Variants in OGA observed in about 807,000 individuals in gnomAD.
The protein encoded by OGA is protein O-GlcNAcase.
In OGA, 21 loss-of-function variants were observed where a neutral mutation model predicts 102.0. The ratio of observed to expected loss-of-function variants is 0.21; its 90% CI spans 0.15 to 0.30. The LOEUF is 0.30. Ranked by LOEUF, OGA falls within the 10% of genes least tolerant of loss-of-function variation. The pLI, the probability that OGA is intolerant of heterozygous loss-of-function variation, is 1.00. For synonymous variants in OGA, 408 were observed against 378.2 expected (o/e 1.08, Z -0.91); for missense variants, 765 against 1,107.8 (o/e 0.69, Z 4.39).
intron 12 of OGA, among the ~76,000 whole-genome samples, chr10:101,792,049 GCT>G (rs1254308995): frequency 6.8e-6 from 1 of 146,428 alleles, no homozygotes; most frequent in African/African-American, 2.5e-5. Context: ...ACGGAGTCTC[GCT>G]CTGTCGCCCC....
At chr10:101,816,985 A>C (rs1176424709) in intron 1 of OGA, among the ~76,000 whole-genome samples, 1 of 152,260 alleles carries the variant, frequency 6.6e-6, no homozygotes, top group East Asian at 1.9e-4. Flanking sequence ...CAGAAAATTC[A>C]AATACATGCT....
At chr10:101,817,297 C>T (rs1258794837) in intron 1 of OGA, among the ~76,000 whole-genome samples, 1 of 152,084 alleles carries the variant, frequency 6.6e-6, no homozygotes, top group African/African-American at 2.4e-5. Context: ...GGGCAATTTT[C>T]TAAGTTGCAA....
At chr10:101,808,315 G>A (rs2065502639) in intron 4 of OGA, among the ~76,000 whole-genome samples, 1 of 152,136 alleles carries the variant, frequency 6.6e-6, no homozygotes, top group Non-Finnish European at 1.5e-5. Context: ...CTGAATTAGG[G>A]ATACTCAACT....
rs1448248696 is a variant in OGA, at chr10:101,785,977, T to C, written c.*474A>G. On this transcript the variant is annotated 3_prime_UTR_variant, in exon 16 of 16. Coordinates refer to ENST00000361464, the MANE Select transcript of OGA (RefSeq NM_012215.5). The stretch of plus-strand genomic sequence containing the variant: ...TAAACTAATGCCACAACCATCCCAC[T>C]TGGAATCACTCCACCCTGACACTTC... 6.6e-6 allele frequency: 1 copy of C among 152,550 alleles called. No homozygotes were observed. Among genetic ancestry groups the C allele is most frequent in the East Asian group, 1.9e-4 (1 of 5,206 alleles). The allele number at this position is 152,550 out of a possible 1,614,324, so 9.4% of individuals were successfully genotyped here. A position where few individuals can be genotyped will look rare whatever the true frequency, so the allele number is the denominator to read the frequency against.
At chr10:101,816,580 T>C (rs771461553) in intron 1 of OGA, among the ~76,000 whole-genome samples, 6 of 152,210 alleles carry the variant, frequency 3.9e-5, no homozygotes, top group Non-Finnish European at 8.8e-5. Flanking sequence ...CAGATTCTTT[T>C]TCTAAAATCT....
In OGA at chr10:101,799,134, A is replaced by G. The variant is rs1293873967; in HGVS notation, c.1517T>C (p.Ile506Thr). ...CATCTCTGGGGATTTTGATTCAGCT[A>G]TGCTCTCTTTATCAGTGTCCATTGG... is the stretch of plus-strand genomic sequence containing the variant. Reference protein sequence around the residue: ...LKPMDTDKESIAESKSPEMSM... With the variant: ...LKPMDTDKESTAESKSPEMSM... Residue 506 changes from isoleucine to threonine, a missense_variant, in exon 9 of 16, where the codon ATA becomes ACA. Ile to Thr is a moderately conservative substitution (Grantham distance 89). Transcript: ENST00000361464. The G allele has an allele frequency of 1.9e-6, 3 of 1,614,094 alleles. No individual in the cohort carries two copies. The Admixed American group carries it at 5.0e-5, about 27-fold the overall frequency.
intron 7 of OGA, among the ~76,000 whole-genome samples, chr10:101,801,793 C>G (rs1183389594): frequency 1.3e-5 from 2 of 152,184 alleles, no homozygotes; most frequent in Non-Finnish European, 2.9e-5. Context: ...ATTAATATTA[C>G]TACATACTAT....
chr10:101,810,175 A>C lies in OGA; in HGVS notation c.480+9T>G, dbSNP rs2065535329. 1 of 1,599,598 alleles carries C rather than the reference A, an allele frequency of 6.3e-7. No individual in the cohort carries two copies. Among genetic ancestry groups the C allele is most frequent in the Non-Finnish European group, 8.5e-7 (1 of 1,174,294 alleles). On this transcript the variant is annotated intron_variant, in intron 4 of 15. Transcript: ENST00000361464. ...AGTCAGGAAAAATGAATAAAAAGTA[A>C]GGAGTTACCTGGTCCAATTTACGTT...
In OGA at chr10:101,786,236, A is replaced by G. The variant is rs1004047678; in HGVS notation, c.*215T>C. ...CACAAGACTCAAAAAGGAAGCCCAC[A>G]TCTCTCTTTCATACAGGATTTGCTG... On this transcript the variant is annotated 3_prime_UTR_variant, in exon 16 of 16. Transcript: ENST00000361464. 8 of 407,942 alleles carry G rather than the reference A, an allele frequency of 2.0e-5. No homozygotes were observed. Among genetic ancestry groups the G allele is most frequent in the Admixed American group, 4.5e-5 (1 of 22,086 alleles). The allele number at this position is 407,942 out of a possible 1,614,324, so 25.3% of individuals were successfully genotyped here. A position where few individuals can be genotyped will look rare whatever the true frequency, so the allele number is the denominator to read the frequency against.
intron 12 of OGA, chr10:101,792,517 G>A (rs887857637): frequency 5.8e-5 from 11 of 191,144 alleles, no homozygotes; most frequent in Middle Eastern, 2.2e-3. Flanking sequence ...ACAATTGAAA[G>A]AAAATTACAG....
chr10:101,807,662 C>T (rs1235833714), intron 5 of OGA, 68 bp downstream of exon 5: 3 of 1,101,712 alleles, frequency 2.7e-6, no homozygotes, highest in South Asian at 2.9e-5. Context: ...GAGAATGGGG[C>T]CCATGGTCCT....
chr10:101,790,527 T>C (rs1298026572), intron 14 of OGA, among the ~76,000 whole-genome samples: 2 of 152,162 alleles, frequency 1.3e-5, no homozygotes, highest in Non-Finnish European at 2.9e-5. Context: ...TACACCCGCC[T>C]TGGCCTCCCA....
At chr10:101,790,817 G>T in intron 14 of OGA, 79 bp downstream of exon 14, 1 of 1,067,950 alleles carries the variant, frequency 9.4e-7, no homozygotes, top group Non-Finnish European at 1.3e-6. Flanking sequence ...TTCCATTTTA[G>T]TAAGTACTTT....
chr10:101,807,619 C>T, intron 5 of OGA, 111 bp downstream of exon 5: 1 of 779,444 alleles, frequency 1.3e-6, no homozygotes, highest in Non-Finnish European at 1.9e-6. Context: ...AAGATTCCTA[C>T]TTTTACACAC....
intron 4 of OGA, among the ~76,000 whole-genome samples, chr10:101,808,813 C>CA (rs1217903962): frequency 6.6e-6 from 1 of 151,838 alleles, no homozygotes; most frequent in Non-Finnish European, 1.5e-5. Flanking sequence ...ACTAAAAATA[C>CA]AAAAAAATTA....
chr10:101,802,159 A>G (rs542734319), intron 7 of OGA, among the ~76,000 whole-genome samples: 1 of 151,624 alleles, frequency 6.6e-6, no homozygotes, highest in African/African-American at 2.4e-5. Flanking sequence ...AAAAAAAAAA[A>G]TTTTCAGTGT....
intron 5 of OGA, among the ~76,000 whole-genome samples, chr10:101,806,369 A>C (rs987265676): frequency 2.6e-5 from 4 of 151,460 alleles, no homozygotes; most frequent in African/African-American, 7.3e-5. Flanking sequence ...CGCCCGGCTA[A>C]TTTTTTTTTG....
rs142576448 is a variant in OGA, at chr10:101,812,340, G to A, written c.349+690C>T. Among the ~76,000 whole-genome samples the A allele has an allele frequency of 2.6e-5, 4 of 152,192 alleles. No individual in the cohort carries two copies. The East Asian group carries it at 7.7e-4, about 29-fold the overall frequency. On this transcript the variant is annotated intron_variant, in intron 3 of 15. Transcript: ENST00000361464. ...CAGAATCTCTTGAACTCGGGAGGGC[G>A]AGGTTTGCAGTTAGCCGAGATCGCA...
At chr10:101,788,750 A>AT (rs1482710769) in intron 14 of OGA, among the ~76,000 whole-genome samples, 1 of 152,040 alleles carries the variant, frequency 6.6e-6, no homozygotes, top group Non-Finnish European at 1.5e-5. Flanking sequence ...AAAAAAAAAA[A>AT]ATTTTGTCTA....
Sources: gnomAD v4.1 joint callset for allele counts (sites outside exome capture counted in the v4.1 genomes callset) on GRCh38, gnomAD v4.1.1 for gene constraint, MANE v1.5 for transcripts, NCBI Gene and HGNC (gene_info 2026-07-23, HGNC 2026-07-21) for gene names.